The following TRPC4 variants were observed in gnomAD, a reference collection of about 807,000 sequenced individuals.
TRPC4 encodes the protein transient receptor potential cation channel subfamily C member 4, also known as short transient receptor potential channel 4.
TRPC4 carries 49 observed loss-of-function variants against 99.4 expected under a neutral mutation model. That is an observed-to-expected ratio of 0.49 (90% CI 0.39 to 0.63). The LOEUF is 0.63. TRPC4 is among the 20% of genes least tolerant of loss of function. TRPC4 has a pLI of 0.00. For missense variants in TRPC4, 898 were observed against 1,152.9 expected (o/e 0.78, Z 3.20); for synonymous variants, 454 against 425.9 (o/e 1.07, Z -0.81).
At chr13:37,802,766 C>A (rs1286971304) in intron 1 of TRPC4, among the ~76,000 whole-genome samples, 1 of 152,074 alleles carries the variant, frequency 6.6e-6, no homozygotes, top group East Asian at 1.9e-4. Context: ...GTCAGAACCA[C>A]CAAAATAATT....
At chr13:37,775,406 G>T (rs375366065) in intron 2 of TRPC4, among the ~76,000 whole-genome samples, 14 of 147,020 alleles carry the variant, frequency 9.5e-5, no homozygotes, top group East Asian at 2.0e-4. Flanking sequence ...TTATTTATTT[G>T]TTTTTTTTTA....
At chr13:37,772,818 C>T (rs969562931) in intron 2 of TRPC4, among the ~76,000 whole-genome samples, 1 of 151,724 alleles carries the variant, frequency 6.6e-6, no homozygotes, top group African/African-American at 2.4e-5. Flanking sequence ...AAATGGGCCC[C>T]TCCCAGAGTC....
At chr13:37,656,145 T>G (rs2985165) in intron 6 of TRPC4, among the ~76,000 whole-genome samples, 54,841 of 151,996 alleles carry the variant, frequency 0.36, 10,268 homozygotes, top group African/African-American at 0.4. Flanking sequence ...AATGTCCCTT[T>G]AACTTACTCC....
intron 3 of TRPC4, among the ~76,000 whole-genome samples, chr13:37,733,685 T>G (rs547774241): frequency 6.6e-6 from 1 of 152,238 alleles, no homozygotes; most frequent in South Asian, 2.1e-4. Flanking sequence ...GTCTTTGTGT[T>G]TTTTCCTAAT....
chr13:37,842,256 C>G (rs1429781316), intron 1 of TRPC4, among the ~76,000 whole-genome samples: 1 of 116,302 alleles, frequency 8.6e-6, no homozygotes, highest in African/African-American at 3.3e-5. Context: ...GGCAACAGAG[C>G]AAGACTCAAT....
chr13:37,794,334 G>A (rs1300543101), intron 1 of TRPC4, among the ~76,000 whole-genome samples: 1 of 152,084 alleles, frequency 6.6e-6, no homozygotes, highest in Non-Finnish European at 1.5e-5. Flanking sequence ...AAGTCTCTCC[G>A]ATTTAAAAGA....
intron 1 of TRPC4, among the ~76,000 whole-genome samples, chr13:37,854,653 T>C (rs1959139851): frequency 6.6e-6 from 1 of 152,118 alleles, no homozygotes; most frequent in Non-Finnish European, 1.5e-5. Flanking sequence ...TTTTGTGTGT[T>C]TGTTTATGCA....
At chr13:37,732,154 G>A (rs1235929681) in intron 3 of TRPC4, among the ~76,000 whole-genome samples, 2 of 152,098 alleles carry the variant, frequency 1.3e-5, no homozygotes, top group African/African-American at 4.8e-5. Context: ...GATTCAAGGA[G>A]CTCAGAGTCT....
chr13:37,688,626 T>C (rs534842502), intron 4 of TRPC4, among the ~76,000 whole-genome samples: 10 of 152,314 alleles, frequency 6.6e-5, no homozygotes, highest in Non-Finnish European at 8.8e-5. Context: ...TCATTTCTCA[T>C]ACATCAAGAA....
At chr13:37,691,577 A>AT (rs1953713745) in intron 4 of TRPC4, among the ~76,000 whole-genome samples, 2 of 152,036 alleles carry the variant, frequency 1.3e-5, no homozygotes, top group African/African-American at 4.8e-5. Context: ...GAATGGATTG[A>AT]TTTTTTCAAA....
intron 1 of TRPC4, among the ~76,000 whole-genome samples, chr13:37,790,550 A>C (rs1204331113): frequency 6.6e-6 from 1 of 152,190 alleles, no homozygotes; most frequent in East Asian, 1.9e-4. Context: ...TAGCTGAGAT[A>C]ATATTTGCCT....
At chr13:37,739,334 C>A (rs1404448290) in intron 3 of TRPC4, among the ~76,000 whole-genome samples, 2 of 151,892 alleles carry the variant, frequency 1.3e-5, no homozygotes, top group African/African-American at 4.8e-5. Context: ...AATAAGAAAA[C>A]CAAACTAAGG....
At chr13:37,685,108 A>C (rs190069881) in intron 4 of TRPC4, among the ~76,000 whole-genome samples, 1 of 152,158 alleles carries the variant, frequency 6.6e-6, no homozygotes, top group African/African-American at 2.4e-5. Flanking sequence ...TCAATAGTAA[A>C]TCATATCAAA....
rs140911831 is a variant in TRPC4, at chr13:37,637,534, G to C, written c.2303C>G (p.Ser768Trp). The part of the protein sequence containing the change: ...KLSTIQSANA[S>W]KESSNSADSD... ...GTCTGCCGAATTTGAAGACTCCTTC[G>C]AGGCATTCGCAGATTGTATTGTGGA... is the stretch of plus-strand genomic sequence containing the variant. Residue 768 changes from serine to tryptophan, a missense_variant, in exon 11 of 11, where the codon TCG becomes TGG. Coordinates refer to ENST00000379705, the MANE Select transcript of TRPC4 (RefSeq NM_016179.4). The C allele has an allele frequency of 3.1e-6, 5 of 1,613,592 alleles. No homozygotes were observed. The highest frequency in any genetic ancestry group is 1.1e-5 in the South Asian group (1 of 91,060).
chr13:37,746,566 G>GTTTT (rs200975733), intron 2 of TRPC4, 111 bp from the exon 3 acceptor site: 17 of 807,668 alleles, frequency 2.1e-5, no homozygotes, highest in African/African-American at 8.5e-5. Flanking sequence ...TCCTTGGCCG[G>GTTTT]GTTTTTTTTT....
chr13:37,863,363 T>C (rs569191671), intron 1 of TRPC4, among the ~76,000 whole-genome samples: 1 of 151,626 alleles, frequency 6.6e-6, no homozygotes, highest in Non-Finnish European at 1.5e-5. Context: ...TGATAATAAT[T>C]TGTGTCTCAC....
intron 1 of TRPC4, among the ~76,000 whole-genome samples, chr13:37,821,898 C>A (rs757683630): frequency 1.3e-5 from 2 of 151,828 alleles, no homozygotes; most frequent in African/African-American, 4.8e-5. Flanking sequence ...AGACACAGGC[C>A]CTGGCAAAGA....
chr13:37,821,907 G>C (rs1958022996), intron 1 of TRPC4, among the ~76,000 whole-genome samples: 1 of 152,088 alleles, frequency 6.6e-6, no homozygotes, highest in Non-Finnish European at 1.5e-5. Context: ...CCCTGGCAAA[G>C]ATTTCGTGAT....
intron 8 of TRPC4, among the ~76,000 whole-genome samples, chr13:37,649,482 C>G (rs2138596938): frequency 6.6e-6 from 1 of 152,012 alleles, no homozygotes. Flanking sequence ...CGCCTGTAAT[C>G]CCAGCACTTT....
Sources: gnomAD v4.1 joint callset for allele counts (sites outside exome capture counted in the v4.1 genomes callset) on GRCh38, gnomAD v4.1.1 for gene constraint, MANE v1.5 for transcripts, NCBI Gene and HGNC (gene_info 2026-07-23, HGNC 2026-07-21) for gene names.